Variants in DGKG observed in about 807,000 individuals in gnomAD.
The protein encoded by DGKG is diacylglycerol kinase gamma, also known as DAG kinase gamma.
Under a neutral mutation model 105.3 loss-of-function variants are expected in DGKG, and 78 were observed. That is an observed-to-expected ratio of 0.74 (90% confidence interval 0.62 to 0.89). The LOEUF is 0.89. DGKG is among the 40% of genes least tolerant of loss of function. The probability of loss-of-function intolerance (pLI) is 0.00; values close to 1 mark genes in which losing one functional copy is unlikely to be tolerated. For missense variants in DGKG, 958 were observed against 1,020.1 expected, an observed-to-expected ratio of 0.94 and a Z score of 0.83; for synonymous variants, 346 against 367.1, an observed-to-expected ratio of 0.94 and a Z score of 0.66.
chr3:186,167,758 A>AATTC, intron 22 of DGKG, among the ~76,000 whole-genome samples: 1 of 124,198 alleles, frequency 8.1e-6, no homozygotes, highest in African/African-American at 3.0e-5. Context: ...GTAAAACAGG[A>AATTC]ATTCACTCAC....
At chr3:186,348,367 C>CTTT (rs1303442403) in intron 1 of DGKG, among the ~76,000 whole-genome samples, 4 of 48,262 alleles carry the variant, frequency 8.3e-5, no homozygotes, top group Non-Finnish European at 8.3e-5. Context: ...TTGCTGGGTG[C>CTTT]TTTTTTTTTT....
chr3:186,236,150 G>A (rs766191259), intron 20 of DGKG, among the ~76,000 whole-genome samples: 1 of 152,140 alleles, frequency 6.6e-6, no homozygotes, highest in Non-Finnish European at 1.5e-5. Flanking sequence ...CAACCAAAGT[G>A]GTGCCATATT....
intron 21 of DGKG, among the ~76,000 whole-genome samples, chr3:186,193,974 G>A (rs1718043010): frequency 6.6e-6 from 1 of 152,218 alleles, no homozygotes; most frequent in African/African-American, 2.4e-5. Flanking sequence ...CGAGCAGAGA[G>A]CGTGCACACG....
intron 21 of DGKG, among the ~76,000 whole-genome samples, chr3:186,194,028 T>A (rs1056866296): frequency 1.3e-5 from 2 of 152,192 alleles, no homozygotes; most frequent in South Asian, 4.1e-4. Context: ...AGGTGCCCGA[T>A]GTCGGTCTTG....
intron 19 of DGKG, 71 bp downstream of exon 19, chr3:186,251,688 G>T (rs540038343): frequency 7.0e-6 from 11 of 1,573,520 alleles, no homozygotes; most frequent in African/African-American, 2.7e-5. Flanking sequence ...ACCCAGAGGG[G>T]ACAACAGAAG....
In DGKG at chr3:186,240,764, C is replaced by T. The variant is rs192426649; in HGVS notation, c.1826+1740G>A. 6.7e-4 allele frequency among the ~76,000 whole-genome samples: 100 copies of T among 149,142 alleles called. No homozygotes were observed. The East Asian group carries it at 0.015, about 22-fold the overall frequency. On this transcript the variant is annotated intron_variant, in intron 20 of 24. Coordinates refer to ENST00000265022, the MANE Select transcript of DGKG (RefSeq NM_001346.3). ...GGTGGAAGTTGCAGTGAGCCAAGAT[C>T]GCGCCACTGCACTCCAGGCTGAGCA...
chr3:186,281,552 G>C (rs2284836), intron 7 of DGKG, among the ~76,000 whole-genome samples: 16,757 of 152,218 alleles, frequency 0.11, 1,170 homozygotes, highest in East Asian at 0.21. Flanking sequence ...AGGTTCAAAA[G>C]TGTTACCTCT....
chr3:186,192,152 G>A (rs1292470920), intron 21 of DGKG, among the ~76,000 whole-genome samples: 1 of 152,102 alleles, frequency 6.6e-6, no homozygotes, highest in Non-Finnish European at 1.5e-5. Flanking sequence ...GGGATTACAG[G>A]TGCCTGTCAC....
rs115189023 is a variant in DGKG, at chr3:186,335,220, T to C, written c.-248-14513A>G. Among the ~76,000 whole-genome samples the C allele has an allele frequency of 7.8e-3, 1,181 of 152,132 alleles. 21 individuals carry two copies. Among genetic ancestry groups the C allele is most frequent in the African/African-American group, 0.027 (1,112 of 41,490 alleles). ...CCAAGTAACTGGGACAACAGGCGCC[T>C]ACTACTGCACCTGGCTAATTTTTTT... On this transcript the variant is annotated intron_variant, in intron 1 of 24. Coordinates refer to ENST00000265022, the MANE Select transcript of DGKG (RefSeq NM_001346.3).
chr3:186,235,824 T>G (rs9968130), intron 20 of DGKG, among the ~76,000 whole-genome samples: 134,552 of 152,064 alleles, frequency 0.88, 60,657 homozygotes, highest in East Asian at 1. Flanking sequence ...TGAGGGAGGG[T>G]TAGTCACATC....
intron 1 of DGKG, among the ~76,000 whole-genome samples, chr3:186,336,818 C>T (rs1216803806): frequency 6.6e-6 from 1 of 152,082 alleles, no homozygotes; most frequent in East Asian, 1.9e-4. Flanking sequence ...GAAGACATAA[C>T]TATAACGTAA....
At position 186,355,113 on chromosome 3, in the gene DGKG, C is replaced by T. The variant is rs78418693; in HGVS notation, c.-249+6833G>A. ...AATCATAGAGTTAAGGAAGCCACTA[C>T]TATCTCCATCATCACCCTGCCCCCA... On this transcript the variant is annotated intron_variant, in intron 1 of 24. Coordinates refer to ENST00000265022, the MANE Select transcript of DGKG (RefSeq NM_001346.3). 3.7e-3 allele frequency among the ~76,000 whole-genome samples: 488 copies of T among 133,188 alleles called. 7 individuals are homozygous for T. The highest frequency in any genetic ancestry group is 0.011 in the East Asian group (43 of 3,814). The allele number at this position is 133,188 out of a possible 152,430, so 87.4% of individuals were successfully genotyped here. A position where few individuals can be genotyped will look rare whatever the true frequency, so the allele number is the denominator to read the frequency against.
chr3:186,343,568 A>T (rs974616170), intron 1 of DGKG, among the ~76,000 whole-genome samples: 1 of 152,158 alleles, frequency 6.6e-6, no homozygotes, highest in Non-Finnish European at 1.5e-5. Flanking sequence ...ATTATGTGTG[A>T]GCCACTGCAC....
At chr3:186,306,855 A>G in intron 3 of DGKG, 46 bp downstream of exon 3, 1 of 1,356,288 alleles carries the variant, frequency 7.4e-7, no homozygotes, top group South Asian at 1.2e-5. Flanking sequence ...TGGAAAGGCT[A>G]AAAAACACAG....
At chr3:186,216,992 A>G (rs1719324157) in intron 20 of DGKG, among the ~76,000 whole-genome samples, 1 of 152,112 alleles carries the variant, frequency 6.6e-6, no homozygotes, top group African/African-American at 2.4e-5. Context: ...ATTATTTTCT[A>G]CTCACAAAGT....
intron 21 of DGKG, among the ~76,000 whole-genome samples, chr3:186,199,038 C>T (rs1294750740): frequency 6.6e-6 from 1 of 152,128 alleles, no homozygotes; most frequent in African/African-American, 2.4e-5. Flanking sequence ...ACCTCTGCCT[C>T]CTGGGTTCAA....
At chr3:186,193,182 G>A (rs1446780786) in intron 21 of DGKG, among the ~76,000 whole-genome samples, 1 of 152,196 alleles carries the variant, frequency 6.6e-6, no homozygotes, top group Non-Finnish European at 1.5e-5. Flanking sequence ...GCACCTACTT[G>A]GAAAGTGAGA....
intron 10 of DGKG, among the ~76,000 whole-genome samples, chr3:186,273,255 A>G (rs1333766828): frequency 2.0e-5 from 3 of 151,844 alleles, no homozygotes; most frequent in Non-Finnish European, 4.4e-5. Flanking sequence ...TTTTACTACC[A>G]TTATGTGAAC....
At position 186,203,153 on chromosome 3, in the gene DGKG, C is replaced by T. The variant is rs1718555764; in HGVS notation, c.1917+8642G>A. On this transcript the variant is annotated intron_variant, in intron 21 of 24. Transcript: ENST00000265022. The surrounding 1 kb of genome is among the most constrained non-coding windows in gnomAD (Gnocchi z 4.9). ...GGGAAAGTTGACAGAAACAGTTTTT[C>T]TTTAGTAAGCTGAACGATTCTAAGC... 6.6e-6 allele frequency among the ~76,000 whole-genome samples: 1 copy of T among 152,166 alleles called. No individual in the cohort carries two copies. Among genetic ancestry groups the T allele is most frequent in the Non-Finnish European group, 1.5e-5 (1 of 68,034 alleles).
Sources: allele counts gnomAD v4.1 joint callset (sites outside exome capture counted in the v4.1 genomes callset), GRCh38; gene constraint gnomAD v4.1.1; non-coding constraint Gnocchi (gnomAD v3.1); transcripts MANE v1.5; gene names NCBI Gene and HGNC (gene_info 2026-07-23, HGNC 2026-07-21).